PHF3: variants seen among roughly 807,000 people sequenced by gnomAD.
The protein encoded by PHF3 is PHD finger protein 3.
Under a neutral mutation model 178.4 loss-of-function variants are expected in PHF3, and 41 were observed. The observed-to-expected ratio is 0.23, with a 90% CI of 0.18 to 0.30. The LOEUF (loss-of-function observed/expected upper bound fraction) is 0.30. Among genes scored for constraint, PHF3 ranks in the 10% least tolerant of loss-of-function variants. The probability of loss-of-function intolerance (pLI) is 1.00; values close to 1 mark genes in which losing one functional copy is unlikely to be tolerated. For missense variants in PHF3, 2,346 were observed against 2,398.1 expected (o/e 0.98, Z 0.45); for synonymous variants, 842 against 800.5 (o/e 1.05, Z -0.88).
chr6:63,691,694 GT>G, intron 4 of PHF3, 42 bp from the exon 5 acceptor site: 1 of 1,471,284 alleles, frequency 6.8e-7, no homozygotes, highest in Non-Finnish European at 9.1e-7. Flanking sequence ...AGATTTTCTT[GT>G]TAAAAAAAGG....
At chr6:63,679,893 T>C in intron 2 of PHF3, 107 bp from the exon 3 acceptor site, 1 of 884,528 alleles carries the variant, frequency 1.1e-6, no homozygotes, top group Non-Finnish European at 1.8e-6. Flanking sequence ...TTTTCAAGAG[T>C]ATGTAGTGTT....
At position 63,711,069 on chromosome 6, in the gene PHF3, A is replaced by G. The variant is rs919103290; in HGVS notation, c.3802-98A>G. 25 of 789,740 alleles carry G rather than the reference A, an allele frequency of 3.2e-5. No homozygotes were observed. The African/African-American group carries it at 4.2e-4, about 13-fold the overall frequency. The allele number at this position is 789,740 out of a possible 1,614,324, so 48.9% of individuals were successfully genotyped here. ...CCACGTTATTTGGTACCATCATTATAAAGTTCAATAGATTATTACTAATTG... is the reference window on the plus strand; with the variant it reads ...CCACGTTATTTGGTACCATCATTATGAAGTTCAATAGATTATTACTAATTG... On this transcript the variant is annotated intron_variant, in intron 14 of 15. Transcript: ENST00000262043.
chr6:63,698,932 ATTTT>A (rs915029142), intron 8 of PHF3, among the ~76,000 whole-genome samples: 1 of 151,168 alleles, frequency 6.6e-6, no homozygotes, highest in Non-Finnish European at 1.5e-5. Context: ...TTATAACACT[ATTTT>A]TTTCTTAAAT....
chr6:63,704,680 A>G lies in PHF3; in HGVS notation c.3367+1009A>G, dbSNP rs145864894. ...TCTTGTTTTATTACAAGTTTTGGCA[A>G]TTACGAATAAAACTAGTATAAACAT... On this transcript the variant is annotated intron_variant, in intron 11 of 15. Coordinates refer to ENST00000262043, the MANE Select transcript of PHF3 (RefSeq NM_001370348.2). Among the ~76,000 whole-genome samples, 29 of 152,152 alleles carry G rather than the reference A, an allele frequency of 1.9e-4. No homozygotes were observed. The East Asian group carries it at 5.2e-3, about 27-fold the overall frequency.
chr6:63,674,321 T>TG (rs1766070953), intron 2 of PHF3, among the ~76,000 whole-genome samples: 1 of 145,014 alleles, frequency 6.9e-6, no homozygotes, highest in South Asian at 2.2e-4. Flanking sequence ...CACATATATA[T>TG]GGTGTATATA....
At chr6:63,707,795 A>G (rs552885194) in intron 13 of PHF3, among the ~76,000 whole-genome samples, 2 of 152,074 alleles carry the variant, frequency 1.3e-5, no homozygotes, top group South Asian at 4.2e-4. Context: ...GTTTAATTCA[A>G]TGTAATACTG....
rs1768202380 is a variant in PHF3 at position 63,716,734 on chromosome 6, A to T, written c.*3026A>T. On this transcript the variant is annotated 3_prime_UTR_variant, in exon 16 of 16. Transcript: ENST00000262043. ...GGGCACCCAATTTCCTTGGCTCATG[A>T]TCCCTTCCTCCATATTTGAAGCCAG... Among the ~76,000 whole-genome samples, 2 of 151,598 alleles carry T rather than the reference A, an allele frequency of 1.3e-5. No individual in the cohort carries two copies. The highest frequency in any genetic ancestry group is 4.8e-5 in the African/African-American group (2 of 41,282).
In PHF3 at chr6:63,684,297, A is replaced by G; in HGVS notation, c.575A>G (p.Glu192Gly). ...KEEVCMSLKP[E>G]YHKENRRCSR... ...GAAGTATGTATGTCACTGAAACCTG[A>G]GTACCATAAGGAGAATAGAAGGTGC... Residue 192 changes from glutamate to glycine, a missense_variant, in exon 4 of 16, where the codon GAG becomes GGG. Transcript: ENST00000262043. 1 of 1,614,084 alleles carries G rather than the reference A, an allele frequency of 6.2e-7. No individual in the cohort carries two copies. The highest frequency in any genetic ancestry group is 8.5e-7 in the Non-Finnish European group (1 of 1,179,916).
chr6:63,655,394 G>A (rs1357074956), intron 2 of PHF3, among the ~76,000 whole-genome samples: 1 of 151,778 alleles, frequency 6.6e-6, no homozygotes, highest in Non-Finnish European at 1.5e-5. Flanking sequence ...GTGTTTTTTT[G>A]TAGAGACAGG....
Position 63,685,687 on chromosome 6 carries a change from T to C in PHF3, c.1965T>C (p.Phe655=), listed in dbSNP as rs1421198911. 2 of 1,614,090 alleles carry C rather than the reference T, an allele frequency of 1.2e-6. No individual in the cohort carries two copies. The highest frequency in any genetic ancestry group is 1.3e-5 in the African/African-American group (1 of 75,008). ...EELEHPGVEH[F]KEEDKLKLKK... is the part of the protein sequence containing the mutation. ...TTGAACACCCAGGCGTTGAGCATTTTAAGGAAGAGGATAAACTGAAACTGA... is the reference window on the plus strand; with the variant it reads ...TTGAACACCCAGGCGTTGAGCATTTCAAGGAAGAGGATAAACTGAAACTGA... The change falls in exon 4 of 16, where the codon TTT becomes TTC. Residue 655 remains phenylalanine, a synonymous_variant. Coordinates refer to ENST00000262043, the MANE Select transcript of PHF3 (RefSeq NM_001370348.2).
chr6:63,661,291 A>C (rs13192243), intron 2 of PHF3, among the ~76,000 whole-genome samples: 1 of 152,154 alleles, frequency 6.6e-6, no homozygotes, highest in African/African-American at 2.4e-5. Context: ...GACTGGAAAA[A>C]CGCACAAGAA....
chr6:63,655,355 G>A (rs1048831773), intron 2 of PHF3, among the ~76,000 whole-genome samples: 2 of 152,086 alleles, frequency 1.3e-5, no homozygotes, highest in African/African-American at 4.8e-5. Context: ...GAGATTACAG[G>A]TGTGAGCCAC....
At chr6:63,655,696 A>G (rs1436561035) in intron 2 of PHF3, among the ~76,000 whole-genome samples, 1 of 152,210 alleles carries the variant, frequency 6.6e-6, no homozygotes, top group Non-Finnish European at 1.5e-5. Context: ...AGTGGTAACT[A>G]CTACATTTAT....
In PHF3 at chr6:63,716,897, G is replaced by C. The variant is rs972798587; in HGVS notation, c.*3189G>C. On this transcript the variant is annotated 3_prime_UTR_variant, in exon 16 of 16. Coordinates refer to ENST00000262043, the MANE Select transcript of PHF3 (RefSeq NM_001370348.2). ...TGTTCCTATTTTCAGGTCAGCTGATGAGCAACTTAAATTCCATCTGTGACC... is the reference window on the plus strand; with the variant it reads ...TGTTCCTATTTTCAGGTCAGCTGATCAGCAACTTAAATTCCATCTGTGACC... Among the ~76,000 whole-genome samples the C allele has an allele frequency of 2.6e-5, 4 of 151,922 alleles. No individual in the cohort carries two copies. Among genetic ancestry groups the C allele is most frequent in the African/African-American group, 9.7e-5 (4 of 41,392 alleles).
chr6:63,651,924 A>G (rs1267456067), intron 2 of PHF3, among the ~76,000 whole-genome samples: 2 of 152,098 alleles, frequency 1.3e-5, no homozygotes, highest in Non-Finnish European at 2.9e-5. Context: ...GTATATATAT[A>G]CCACATTTTC....
At chr6:63,657,355 C>T (rs1765279275) in intron 2 of PHF3, among the ~76,000 whole-genome samples, 1 of 152,084 alleles carries the variant, frequency 6.6e-6, no homozygotes, top group African/African-American at 2.4e-5. Context: ...TTCAGAAATT[C>T]GCATATAACT....
rs1346522391 is a variant in PHF3, at chr6:63,711,993, A to G, written c.4405A>G (p.Ile1469Val). Residue 1469 changes from isoleucine to valine, a missense_variant, in exon 16 of 16, where the codon ATA becomes GTA. Transcript: ENST00000262043. ...AAATAAACCTCTTCCTGTGGATGAT[A>G]TACTTCAAAGCCTTTTGGGCACCAC... is the stretch of plus-strand genomic sequence containing the variant. ...LANKPLPVDD[I>V]LQSLLGTTGQ... is the part of the protein sequence containing the mutation. The G allele has an allele frequency of 4.3e-6, 7 of 1,613,764 alleles. No homozygotes were observed. In the Admixed American group the frequency reaches 6.7e-5, roughly 15 times the overall value.
At chr6:63,707,906 G>A (rs1435579375) in intron 13 of PHF3, among the ~76,000 whole-genome samples, 3 of 150,546 alleles carry the variant, frequency 2.0e-5, no homozygotes, top group Non-Finnish European at 3.0e-5. Context: ...CTGCCCTGTC[G>A]CCCTGGCTGG....
chr6:63,686,737 A>T (rs1005481975), intron 4 of PHF3, among the ~76,000 whole-genome samples: 2 of 152,232 alleles, frequency 1.3e-5, no homozygotes, highest in East Asian at 3.8e-4. Flanking sequence ...CAATGCTGAT[A>T]TGATAAAAGA....
Sources: allele counts gnomAD v4.1 joint callset (sites outside exome capture counted in the v4.1 genomes callset), GRCh38; gene constraint gnomAD v4.1.1; transcripts MANE v1.5; gene names NCBI Gene and HGNC (gene_info 2026-07-23, HGNC 2026-07-21).